RGS7: variants seen among roughly 807,000 people sequenced by gnomAD.
RGS7 encodes the protein regulator of G-protein signaling 7.
In RGS7, 27 loss-of-function variants were observed where a neutral mutation model predicts 81.1. The observed-to-expected ratio is 0.33, with a 90% CI of 0.25 to 0.46. The LOEUF (loss-of-function observed/expected upper bound fraction) is 0.46, where lower values mean the gene tolerates loss of function less well. Ranked by LOEUF, RGS7 falls within the 20% of genes least tolerant of loss-of-function variation. RGS7 has a pLI of 1.00. For missense variants in RGS7, 396 were observed against 607.4 expected, an observed-to-expected ratio of 0.65 and a Z score of 3.66; for synonymous variants, 208 against 207.7, an observed-to-expected ratio of 1.00 and a Z score of -0.01.
chr1:241,046,309 C>CA (rs746481990), intron 3 of RGS7, among the ~76,000 whole-genome samples: 11 of 18,752 alleles, frequency 5.9e-4, no homozygotes, highest in South Asian at 6.3e-3. Context: ...CTGACCCCCC[C>CA]CCCCTTTTCT....
chr1:241,087,639 G>T (rs1418145282), intron 3 of RGS7, among the ~76,000 whole-genome samples: 2 of 152,152 alleles, frequency 1.3e-5, no homozygotes. Context: ...TGAAAGAGAA[G>T]AGTGTGGTTT....
chr1:240,937,443 G>A (rs1031177071), intron 4 of RGS7, among the ~76,000 whole-genome samples: 1 of 152,136 alleles, frequency 6.6e-6, no homozygotes, highest in African/African-American at 2.4e-5. Context: ...TTTCTCACAA[G>A]ACACTAAGAT....
Position 240,863,880 on chromosome 1 carries a change from T to C in RGS7, c.609+4707A>G, listed in dbSNP as rs570180053. Among the ~76,000 whole-genome samples, 58 of 152,310 alleles carry C rather than the reference T, an allele frequency of 3.8e-4. No homozygotes were observed. In the South Asian group the frequency reaches 0.012, roughly 31 times the overall value. On this transcript the variant is annotated intron_variant, in intron 9 of 18. Transcript: ENST00000440928. Reference sequence around the variant, plus strand: ...TAAGACACCTATAAATACAGCTATATCCTCTGCGGACTATTGCATTCTATT... The same window carrying C: ...TAAGACACCTATAAATACAGCTATACCCTCTGCGGACTATTGCATTCTATT...
chr1:240,980,586 A>G (rs1376738149), intron 4 of RGS7, among the ~76,000 whole-genome samples: 3 of 152,184 alleles, frequency 2.0e-5, no homozygotes, highest in Non-Finnish European at 2.9e-5. Flanking sequence ...CAGTTTCAAA[A>G]GGCATGATTG....
intron 2 of RGS7, among the ~76,000 whole-genome samples, chr1:241,288,950 GA>G (rs2078958175): frequency 6.6e-6 from 1 of 150,748 alleles, no homozygotes; most frequent in Admixed American, 6.6e-5. Flanking sequence ...CACATTTTCT[GA>G]CATCAGCCTA....
Position 241,212,079 on chromosome 1 carries a change from GTAA to G in RGS7, c.79-113320_79-113318del, listed in dbSNP as rs201583298. Among the ~76,000 whole-genome samples the G allele has an allele frequency of 6.7e-3, 1,021 of 151,302 alleles. 11 individuals are homozygous for G. Among genetic ancestry groups the G allele is most frequent in the African/African-American group, 0.024 (990 of 41,314 alleles). On this transcript the variant is annotated intron_variant, in intron 2 of 18. Transcript: ENST00000440928. ...TTATATGTATTCATTTATTATACAT[GTAA>G]TAATTGAGTAATAAATTATTCAATT...
Position 241,163,753 on chromosome 1 carries a change from T to C in RGS7, c.79-64991A>G, listed in dbSNP as rs1005142375. Among the ~76,000 whole-genome samples, 3 of 152,172 alleles carry C rather than the reference T, an allele frequency of 2.0e-5. No homozygotes were observed. The highest frequency in any genetic ancestry group is 4.4e-5 in the Non-Finnish European group (3 of 68,024). On this transcript the variant is annotated intron_variant, in intron 2 of 18. Coordinates refer to ENST00000440928, the MANE Select transcript of RGS7 (RefSeq NM_001364886.1). The surrounding 1 kb of genome is among the most constrained non-coding windows in gnomAD (Gnocchi z 4.6). Reference sequence around the variant, plus strand: ...CCCACTGGGGAGTTGGGATAATCACTCTGCAGTTTTCCCCCATGCACATGT... The same window carrying C: ...CCCACTGGGGAGTTGGGATAATCACCCTGCAGTTTTCCCCCATGCACATGT...
chr1:241,327,345 T>C (rs2081664010), intron 2 of RGS7, among the ~76,000 whole-genome samples: 1 of 152,092 alleles, frequency 6.6e-6, no homozygotes, highest in Admixed American at 6.5e-5. Flanking sequence ...CATAAAACTG[T>C]TTATTATGAA....
chr1:240,998,594 G>T, intron 3 of RGS7: 1 of 841,328 alleles, frequency 1.2e-6, no homozygotes, highest in Non-Finnish European at 2.0e-6. Context: ...GCTGGACCAG[G>T]TCCACCAGCC....
At chr1:241,076,906 T>C (rs1370660725) in intron 3 of RGS7, among the ~76,000 whole-genome samples, 2 of 152,244 alleles carry the variant, frequency 1.3e-5, no homozygotes, top group Admixed American at 6.5e-5. Flanking sequence ...AAAATCTGAC[T>C]TTGTGTCAAT....
At chr1:241,258,997 G>A (rs546626730) in intron 2 of RGS7, among the ~76,000 whole-genome samples, 5 of 152,216 alleles carry the variant, frequency 3.3e-5, no homozygotes, top group African/African-American at 1.2e-4. Flanking sequence ...TCACAAGCAG[G>A]AAAATTGTAG....
At chr1:241,207,938 C>G (rs1387848235) in intron 2 of RGS7, among the ~76,000 whole-genome samples, 1 of 152,110 alleles carries the variant, frequency 6.6e-6, no homozygotes, top group Non-Finnish European at 1.5e-5. Flanking sequence ...TGGAATCTCC[C>G]TCTGTCACCC....
At chr1:240,958,634 C>T (rs2148463992) in intron 4 of RGS7, among the ~76,000 whole-genome samples, 1 of 152,310 alleles carries the variant, frequency 6.6e-6, no homozygotes, top group East Asian at 1.9e-4. Context: ...CCAAGCCCTG[C>T]CTTTACATTA....
chr1:241,023,461 G>A (rs540496440), intron 3 of RGS7, among the ~76,000 whole-genome samples: 3 of 152,260 alleles, frequency 2.0e-5, no homozygotes, highest in African/African-American at 7.2e-5. Flanking sequence ...TCCCAGGGAG[G>A]GCACAGGCTT....
intron 4 of RGS7, among the ~76,000 whole-genome samples, chr1:240,969,741 T>C (rs1448584269): frequency 1.3e-5 from 2 of 152,200 alleles, no homozygotes; most frequent in African/African-American, 4.8e-5. Flanking sequence ...CACCTGCTGG[T>C]CTCTAACAAA....
intron 2 of RGS7, among the ~76,000 whole-genome samples, chr1:241,109,769 C>T (rs1368266301): frequency 3.3e-5 from 5 of 151,896 alleles, no homozygotes; most frequent in South Asian, 2.1e-4. Flanking sequence ...ACCAGCCTGA[C>T]GAACATGGTG....
At chr1:241,258,523 C>A (rs1053278800) in intron 2 of RGS7, among the ~76,000 whole-genome samples, 1 of 152,156 alleles carries the variant, frequency 6.6e-6, no homozygotes, top group Non-Finnish European at 1.5e-5. Flanking sequence ...ATACCAAGGT[C>A]TTTAAAGGAA....
chr1:241,204,328 G>A (rs765781522), intron 2 of RGS7, among the ~76,000 whole-genome samples: 4 of 152,188 alleles, frequency 2.6e-5, no homozygotes, highest in Non-Finnish European at 4.4e-5. Flanking sequence ...TGCTCACCAA[G>A]TTCTAGAGAA....
chr1:240,847,590 C>T (rs557206536), intron 9 of RGS7, among the ~76,000 whole-genome samples: 6 of 152,254 alleles, frequency 3.9e-5, no homozygotes, highest in African/African-American at 1.2e-4. Flanking sequence ...ATCCATCATT[C>T]GGGCATTTAG....
Sources: allele counts gnomAD v4.1 joint callset (sites outside exome capture counted in the v4.1 genomes callset), GRCh38; gene constraint gnomAD v4.1.1; non-coding constraint Gnocchi (gnomAD v3.1); transcripts MANE v1.5; gene names NCBI Gene and HGNC (gene_info 2026-07-23, HGNC 2026-07-21).